Variants in DLGAP2 observed in about 807,000 individuals in gnomAD.
DLGAP2 encodes the protein disks large-associated protein 2.
DLGAP2 carries 26 observed loss-of-function variants against 100.3 expected under a neutral mutation model. The ratio of observed to expected loss-of-function variants is 0.26; its 90% confidence interval spans 0.19 to 0.36. DLGAP2 has a LOEUF of 0.36. DLGAP2 is among the 10% of genes least tolerant of loss of function. The pLI is 1.00. For synonymous variants in DLGAP2, 886 were observed against 630.1 expected, an observed-to-expected ratio of 1.41 and a Z score of -6.08; for missense variants, 1,858 against 1,453.2, an observed-to-expected ratio of 1.28 and a Z score of -4.53.
chr8:807,516 C>T (rs1341280767), intron 1 of DLGAP2, among the ~76,000 whole-genome samples: 6 of 87,512 alleles, frequency 6.9e-5, no homozygotes, highest in Non-Finnish European at 1.3e-4. Context: ...CTCATTCATA[C>T]GTTCTCTCTC....
At chr8:923,275 C>T (rs1278060007) in intron 2 of DLGAP2, among the ~76,000 whole-genome samples, 3 of 152,162 alleles carry the variant, frequency 2.0e-5, no homozygotes, top group Non-Finnish European at 2.9e-5. Flanking sequence ...GTAAATGAGA[C>T]GGCTGGTCTG....
intron 4 of DLGAP2, among the ~76,000 whole-genome samples, chr8:1,517,066 A>T (rs555097565): frequency 6.6e-6 from 1 of 152,202 alleles, no homozygotes; most frequent in South Asian, 2.1e-4. Flanking sequence ...GTTCAGTAGA[A>T]TCACCCCATC....
At chr8:749,619 A>G (rs549151334) in intron 1 of DLGAP2, among the ~76,000 whole-genome samples, 4 of 152,172 alleles carry the variant, frequency 2.6e-5, no homozygotes, top group Non-Finnish European at 2.9e-5. Flanking sequence ...ATGTTTGGCC[A>G]TTGTTCTGGG....
intron 3 of DLGAP2, among the ~76,000 whole-genome samples, chr8:1,303,402 C>CAAAAAAA (rs374350701): frequency 6.2e-4 from 77 of 125,188 alleles, no homozygotes; most frequent in East Asian, 8.3e-4. Context: ...GTCTCAAAAA[C>CAAAAAAA]AAAAAAAAAA....
At chr8:1,065,191 A>G (rs1280083045) in intron 2 of DLGAP2, among the ~76,000 whole-genome samples, 2 of 152,210 alleles carry the variant, frequency 1.3e-5, no homozygotes, top group Non-Finnish European at 2.9e-5. Context: ...GTGTTCGCTG[A>G]AGCTGTGTCT....
chr8:1,426,969 G>C (rs1393650568), intron 3 of DLGAP2, among the ~76,000 whole-genome samples: 3 of 152,150 alleles, frequency 2.0e-5, no homozygotes, highest in Non-Finnish European at 4.4e-5. Context: ...AAAATATTGT[G>C]TCTTATTGAC....
intron 2 of DLGAP2, among the ~76,000 whole-genome samples, chr8:1,236,964 C>T (rs1161615817): frequency 6.6e-6 from 1 of 151,086 alleles, no homozygotes. Flanking sequence ...CTAGTTCTCT[C>T]ACATGGTGCC....
chr8:1,123,372 G>A (rs1426561302), intron 2 of DLGAP2, among the ~76,000 whole-genome samples: 2 of 152,194 alleles, frequency 1.3e-5, no homozygotes, highest in African/African-American at 4.8e-5. Context: ...TAACACCTGA[G>A]GCTTAGTAGG....
At chr8:1,073,745 G>A (rs1180263236) in intron 2 of DLGAP2, among the ~76,000 whole-genome samples, 1 of 152,196 alleles carries the variant, frequency 6.6e-6, no homozygotes, top group Non-Finnish European at 1.5e-5. Flanking sequence ...CGGCTCCCAT[G>A]CAGAAAGTTA....
At chr8:1,462,502 C>T (rs1193808243) in intron 3 of DLGAP2, among the ~76,000 whole-genome samples, 1 of 95,680 alleles carries the variant, frequency 1.0e-5, no homozygotes, top group Non-Finnish European at 2.2e-5. Flanking sequence ...GTGCTGCTGT[C>T]ACGTGGGCTG....
chr8:1,614,728 T>A (rs1797094421), intron 6 of DLGAP2, among the ~76,000 whole-genome samples: 1 of 152,320 alleles, frequency 6.6e-6, no homozygotes, highest in East Asian at 1.9e-4. Context: ...GGCGACACGA[T>A]TTTTTAAAAT....
chr8:1,517,085 C>T (rs1249948801), intron 4 of DLGAP2, among the ~76,000 whole-genome samples: 3 of 152,188 alleles, frequency 2.0e-5, no homozygotes, highest in South Asian at 2.1e-4. Context: ...TCTTGAAGGC[C>T]GCAGCCTCAA....
At chr8:1,349,876 A>G (rs976007783) in intron 3 of DLGAP2, among the ~76,000 whole-genome samples, 28 of 152,364 alleles carry the variant, frequency 1.8e-4, no homozygotes, top group African/African-American at 5.5e-4. Flanking sequence ...GTTACATTGT[A>G]TAGACTGTTT....
chr8:1,301,396 A>C (rs1258344691), intron 3 of DLGAP2: 3 of 151,968 alleles, frequency 2.0e-5, no homozygotes, highest in Non-Finnish European at 4.4e-5. Context: ...TTCTGCTCTC[A>C]ACAGCAACTG....
Position 1,332,999 on chromosome 8 carries a change from G to A in DLGAP2, c.106+74116G>A, listed in dbSNP as rs567675286. Among the ~76,000 whole-genome samples, 112 of 152,218 alleles carry A rather than the reference G, an allele frequency of 7.4e-4. 1 individual carries two copies. Among genetic ancestry groups the A allele is most frequent in the African/African-American group, 2.5e-3 (103 of 41,534 alleles). On this transcript the variant is annotated intron_variant, in intron 3 of 14. Coordinates refer to ENST00000637795, the MANE Select transcript of DLGAP2 (RefSeq NM_001346810.2). The stretch of plus-strand genomic sequence containing the variant: ...CCGCCTCGTCAGGCCCCCCTTCCTC[G>A]AATGGTGTGGAGCATCAGGGCAGGG...
intron 1 of DLGAP2, among the ~76,000 whole-genome samples, chr8:900,405 G>A (rs541104286): frequency 2.9e-3 from 446 of 152,242 alleles, no homozygotes; most frequent in Middle Eastern, 0.014. Flanking sequence ...TCCTCTTCAC[G>A]GTGTTGCTCC....
At chr8:1,686,072 A>G (rs948144475) in intron 12 of DLGAP2, among the ~76,000 whole-genome samples, 20 of 152,244 alleles carry the variant, frequency 1.3e-4, no homozygotes, top group African/African-American at 4.8e-4. Context: ...CCTGCTGGGC[A>G]TAGACCCAAA....
chr8:892,276 C>T (rs755444081), intron 1 of DLGAP2, among the ~76,000 whole-genome samples: 1 of 152,198 alleles, frequency 6.6e-6, no homozygotes, highest in Non-Finnish European at 1.5e-5. Context: ...TTGTGCACAG[C>T]AGCCAGAGGT....
chr8:770,756 G>A (rs1180403120), intron 1 of DLGAP2, among the ~76,000 whole-genome samples: 1 of 152,148 alleles, frequency 6.6e-6, no homozygotes, highest in East Asian at 1.9e-4. Flanking sequence ...CCCCTGAGCT[G>A]TAAAATCCTG....
Sources: allele counts gnomAD v4.1 joint callset (sites outside exome capture counted in the v4.1 genomes callset), GRCh38; gene constraint gnomAD v4.1.1; transcripts MANE v1.5; gene names NCBI Gene and HGNC (gene_info 2026-07-23, HGNC 2026-07-21).